INSL6: variants seen among roughly 807,000 people sequenced by gnomAD.
The protein encoded by INSL6 is insulin-like peptide INSL6.
In INSL6, 16 loss-of-function variants were observed where a neutral mutation model predicts 9.4. The ratio of observed to expected loss-of-function variants is 1.70; its 90% CI spans 1.15 to 2.59. The LOEUF is 2.59. Ranked by LOEUF, INSL6 falls within the 30% of genes most tolerant of loss-of-function variation. The pLI is 0.00. For missense variants in INSL6, 391 were observed against 257.3 expected (o/e 1.52, Z -3.56); for synonymous variants, 154 against 96.9 (o/e 1.59, Z -3.46).
At chr9:5,071,942 C>G in the INSL6 span, among the ~76,000 whole-genome samples, 36,258 of 152,168 alleles carry the variant, frequency 0.24, 4,697 homozygotes, top group South Asian at 0.3. Context: ...TGCACATTTA[C>G]TATGTGTCAT....
chr9:5,084,791 G>A, the INSL6 span, among the ~76,000 whole-genome samples: 7 of 152,212 alleles, frequency 4.6e-5, no homozygotes, highest in Non-Finnish European at 1.0e-4. Context: ...AGAATTTATA[G>A]GACTAGAATG....
the INSL6 span, chr9:5,097,100 C>G: frequency 6.6e-6 from 1 of 152,120 alleles, no homozygotes; most frequent in East Asian, 1.9e-4. Context: ...GTGGGTCTTA[C>G]CATCTTCTCA....
At chr9:5,052,967 G>A in the INSL6 span, among the ~76,000 whole-genome samples, 2 of 151,974 alleles carry the variant, frequency 1.3e-5, no homozygotes, top group Non-Finnish European at 2.9e-5. Context: ...TTGTATATGA[G>A]TAATTTTGTG....
At chr9:5,048,241 A>C in the INSL6 span, among the ~76,000 whole-genome samples, 1 of 151,940 alleles carries the variant, frequency 6.6e-6, no homozygotes, top group Non-Finnish European at 1.5e-5. Context: ...TCCCAGGTTC[A>C]AGTGATTCTC....
the INSL6 span, among the ~76,000 whole-genome samples, chr9:5,077,779 T>A: frequency 1.3e-5 from 2 of 152,254 alleles, no homozygotes; most frequent in South Asian, 4.1e-4. Context: ...AAAAGTTTTG[T>A]CATCCCATCA....
chr9:4,998,880 TAGTGC>T, the INSL6 span, among the ~76,000 whole-genome samples: 1 of 151,976 alleles, frequency 6.6e-6, no homozygotes, highest in African/African-American at 2.4e-5. Flanking sequence ...ACCCAGGCTG[TAGTGC>T]AGTGGTGCGA....
At chr9:5,074,850 C>T in the INSL6 span, among the ~76,000 whole-genome samples, 2 of 152,162 alleles carry the variant, frequency 1.3e-5, no homozygotes, top group African/African-American at 2.4e-5. Context: ...GAGAGGAAGG[C>T]ATGCTGAAAG....
the INSL6 span, among the ~76,000 whole-genome samples, chr9:5,017,494 G>T: frequency 0.011 from 1,611 of 152,098 alleles, 29 homozygotes; most frequent in African/African-American, 0.038. Context: ...ATTTATTTCT[G>T]CTGTGAACTT....
chr9:5,094,132 C>A, the INSL6 span: 2 of 152,126 alleles, frequency 1.3e-5, no homozygotes, highest in Admixed American at 1.3e-4. Flanking sequence ...TACTTATATT[C>A]CCACTCTAAT....
intron 3 of INSL6, among the ~76,000 whole-genome samples, chr9:5,128,827 AT>A (rs1319123276): frequency 6.6e-6 from 1 of 152,018 alleles, no homozygotes; most frequent in African/African-American, 2.4e-5. Flanking sequence ...CAGGTAAGTA[AT>A]TATTGTACCA....
At chr9:5,171,649 G>C (rs1179080204) in intron 1 of INSL6, among the ~76,000 whole-genome samples, 1 of 152,130 alleles carries the variant, frequency 6.6e-6, no homozygotes, top group Non-Finnish European at 1.5e-5. Flanking sequence ...AAAGTCTCAA[G>C]ATACAAAATC....
At chr9:5,051,722 A>G in the INSL6 span, among the ~76,000 whole-genome samples, 1 of 152,158 alleles carries the variant, frequency 6.6e-6, no homozygotes, top group Non-Finnish European at 1.5e-5. Flanking sequence ...TGAGTACATC[A>G]TGAGTGTGGT....
the INSL6 span, chr9:5,097,699 C>CT: frequency 1.3e-5 from 2 of 152,216 alleles, no homozygotes; most frequent in African/African-American, 4.8e-5. Context: ...ATTCATCTTT[C>CT]TTTTCACAGT....
the INSL6 span, among the ~76,000 whole-genome samples, chr9:5,116,604 T>C: frequency 6.6e-6 from 1 of 152,220 alleles, no homozygotes; most frequent in African/African-American, 2.4e-5. Flanking sequence ...ATATGAAGAT[T>C]CAGAGATTTG....
chr9:5,042,619 G>A, the INSL6 span, among the ~76,000 whole-genome samples: 2 of 118,092 alleles, frequency 1.7e-5, no homozygotes, highest in African/African-American at 8.0e-5. Context: ...AGCTGCCCCC[G>A]TTAGCGTCAT....
downstream of INSL6, among the ~76,000 whole-genome samples, chr9:5,161,979 TGAGGTGG>T (rs926911000): frequency 1.6e-4 from 25 of 151,700 alleles, no homozygotes; most frequent in African/African-American, 5.8e-4. Context: ...CTCAGGAGGC[TGAGGTGG>T]GAGGATCACT....
chr9:5,046,993 G>C, the INSL6 span, among the ~76,000 whole-genome samples: 1 of 151,716 alleles, frequency 6.6e-6, no homozygotes, highest in Middle Eastern at 3.2e-3. Context: ...AAAAATTTTG[G>C]GTGATTTCAG....
chr9:5,085,321 A>G, the INSL6 span: 46 of 774,206 alleles, frequency 5.9e-5, no homozygotes, highest in South Asian at 3.3e-4. Flanking sequence ...TACATCATCT[A>G]TTAGCTGAAA....
the INSL6 span, among the ~76,000 whole-genome samples, chr9:5,093,884 C>T: frequency 8.3e-4 from 126 of 152,130 alleles, no homozygotes; most frequent in African/African-American, 2.9e-3. Flanking sequence ...CAGAGTAATC[C>T]AGGTTGGTTT....
Sources: allele counts gnomAD v4.1 joint callset (sites outside exome capture counted in the v4.1 genomes callset), GRCh38; gene constraint gnomAD v4.1.1; transcripts MANE v1.5; gene names NCBI Gene and HGNC (gene_info 2026-07-23, HGNC 2026-07-21).